MAPK14: variants seen among roughly 807,000 people sequenced by gnomAD.
The protein encoded by MAPK14 is CSAID-binding protein.
Under a neutral mutation model 49.6 loss-of-function variants are expected in MAPK14, and 16 were observed. The observed-to-expected ratio is 0.32, with a 90% CI of 0.22 to 0.49. The LOEUF (loss-of-function observed/expected upper bound fraction) is 0.49. Ranked by LOEUF, MAPK14 falls within the 20% of genes least tolerant of loss-of-function variation. The pLI is 0.99. For missense variants in MAPK14, 200 were observed against 441.2 expected, an observed-to-expected ratio of 0.45 and a Z score of 4.90; for synonymous variants, 142 against 158.0, an observed-to-expected ratio of 0.90 and a Z score of 0.76.
intron 3 of MAPK14, among the ~76,000 whole-genome samples, chr6:36,063,699 G>A (rs778409489): frequency 1.1e-4 from 17 of 152,132 alleles, no homozygotes; most frequent in Non-Finnish European, 2.2e-4. Context: ...AGGAACAATA[G>A]GTAGTGCATT....
chr6:36,059,460 A>G (rs559921790), intron 3 of MAPK14, 113 bp downstream of exon 3: 3 of 754,526 alleles, frequency 4.0e-6, no homozygotes, highest in East Asian at 2.5e-5. Flanking sequence ...CTTTATTCCT[A>G]TCATGCACCT....
intron 1 of MAPK14, among the ~76,000 whole-genome samples, chr6:36,048,685 A>G (rs921044458): frequency 5.9e-5 from 9 of 152,212 alleles, no homozygotes; most frequent in Admixed American, 1.3e-4. Flanking sequence ...TCAAATGTCT[A>G]GCTCGAGCAA....
chr6:36,033,645 C>G (rs1471226692), intron 1 of MAPK14, among the ~76,000 whole-genome samples: 1 of 152,178 alleles, frequency 6.6e-6, no homozygotes, highest in Non-Finnish European at 1.5e-5. Context: ...ATAAGCTTAT[C>G]CTGGATCTCC....
At chr6:36,094,226 A>G (rs1170783008) in intron 8 of MAPK14, among the ~76,000 whole-genome samples, 1 of 152,206 alleles carries the variant, frequency 6.6e-6, no homozygotes, top group Admixed American at 6.5e-5. Flanking sequence ...TTTAGAAATA[A>G]TGTGAGTGGA....
chr6:36,113,392 T>C (rs1470871428), downstream of MAPK14, among the ~76,000 whole-genome samples: 2 of 144,260 alleles, frequency 1.4e-5, no homozygotes, highest in Non-Finnish European at 3.0e-5. Flanking sequence ...CAAAGTAGAA[T>C]GTTTTTCAGT....
chr6:36,070,468 G>A (rs1011034416), intron 3 of MAPK14, among the ~76,000 whole-genome samples: 1 of 152,320 alleles, frequency 6.6e-6, no homozygotes, highest in Non-Finnish European at 1.5e-5. Flanking sequence ...GACATAATGA[G>A]TACATGGACA....
chr6:36,034,596 A>G (rs922284243), intron 1 of MAPK14, among the ~76,000 whole-genome samples: 71 of 152,218 alleles, frequency 4.7e-4, no homozygotes, highest in African/African-American at 1.6e-3. Context: ...CATGGCTGCT[A>G]TGGAAGTCAT....
chr6:36,034,552 G>T (rs942436926), intron 1 of MAPK14, among the ~76,000 whole-genome samples: 2 of 152,146 alleles, frequency 1.3e-5, no homozygotes, highest in East Asian at 3.8e-4. Context: ...TTATAAAGTG[G>T]GCTCCCCTGA....
At chr6:36,073,493 C>T (rs61763108) in intron 4 of MAPK14, among the ~76,000 whole-genome samples, 198 bp from the exon 5 acceptor site, 135 of 152,278 alleles carry the variant, frequency 8.9e-4, no homozygotes, top group Middle Eastern at 6.8e-3. Context: ...AGATTAAAAG[C>T]TCAACTGAGT....
At chr6:36,041,257 G>C (rs1017986064) in intron 1 of MAPK14, among the ~76,000 whole-genome samples, 9 of 149,498 alleles carry the variant, frequency 6.0e-5, no homozygotes, top group Non-Finnish European at 1.2e-4. Flanking sequence ...AAAGTACTCT[G>C]CTATTCAGAT....
chr6:36,079,507 C>CA (rs202231431), intron 8 of MAPK14, among the ~76,000 whole-genome samples: 17 of 148,870 alleles, frequency 1.1e-4, no homozygotes, highest in East Asian at 2.0e-4. Flanking sequence ...AAAAAAATTG[C>CA]AAAAAAAAAA....
At chr6:36,050,272 A>AC (rs1181703598) in intron 1 of MAPK14, among the ~76,000 whole-genome samples, 1 of 152,184 alleles carries the variant, frequency 6.6e-6, no homozygotes, top group Non-Finnish European at 1.5e-5. Context: ...TAATCATGGA[A>AC]CAGGAAGGGA....
At chr6:36,122,981 A>C in the MAPK14 span, among the ~76,000 whole-genome samples, 1 of 152,006 alleles carries the variant, frequency 6.6e-6, no homozygotes, top group Non-Finnish European at 1.5e-5. Context: ...GGTGGTGTGC[A>C]GTGGGGGTCT....
At position 36,107,698 on chromosome 6, in the gene MAPK14, T is replaced by C; in HGVS notation, c.1015+70T>C. ...AGCGGTGGGAAAAATAAAAACTGAA[T>C]GGTCATAACCAACTTGCTAAAGCTT... On this transcript the variant is annotated intron_variant, in intron 11 of 11. Coordinates refer to ENST00000229794, the MANE Select transcript of MAPK14 (RefSeq NM_139012.3). The surrounding 1 kb of genome is among the most constrained non-coding windows in gnomAD (Gnocchi z 4.3). The C allele has an allele frequency of 8.4e-7, 1 of 1,186,464 alleles. No homozygotes were observed. The highest frequency in any genetic ancestry group is 1.8e-5 in the South Asian group (1 of 54,236). 73.5% of individuals were successfully genotyped at this position (1,186,464 alleles called of 1,614,324 possible).
At chr6:36,086,080 G>T (rs566987290) in intron 8 of MAPK14, among the ~76,000 whole-genome samples, 2 of 152,202 alleles carry the variant, frequency 1.3e-5, no homozygotes, top group African/African-American at 4.8e-5. Context: ...TGAAATTAAG[G>T]CGGAAATCAG....
downstream of MAPK14, chr6:36,111,381 C>G (rs932458210): frequency 6.6e-6 from 1 of 152,082 alleles, no homozygotes; most frequent in East Asian, 1.9e-4. Flanking sequence ...GACCCTTGGC[C>G]CAGGGCTACA....
At chr6:36,077,494 C>A (rs915683302) in intron 8 of MAPK14, among the ~76,000 whole-genome samples, 1 of 151,710 alleles carries the variant, frequency 6.6e-6, no homozygotes, top group Non-Finnish European at 1.5e-5. Flanking sequence ...CCATTTTAGT[C>A]CCTTACCTAA....
intron 8 of MAPK14, 133 bp downstream of exon 8, chr6:36,076,741 G>A (rs1764546444): frequency 1.8e-6 from 1 of 540,886 alleles, no homozygotes; most frequent in African/African-American, 2.0e-5. Flanking sequence ...GCATTATGAG[G>A]TCTTTCTTCA....
At chr6:36,094,605 GTGC>G (rs1246999405) in intron 8 of MAPK14, among the ~76,000 whole-genome samples, 1 of 152,200 alleles carries the variant, frequency 6.6e-6, no homozygotes, top group Non-Finnish European at 1.5e-5. Context: ...TTGTTTTTAA[GTGC>G]TGCTATGTTG....
Sources: gnomAD v4.1 joint callset for allele counts (sites outside exome capture counted in the v4.1 genomes callset) on GRCh38, gnomAD v4.1.1 for gene constraint, Gnocchi (gnomAD v3.1) non-coding constraint, MANE v1.5 for transcripts, NCBI Gene and HGNC (gene_info 2026-07-23, HGNC 2026-07-21) for gene names.